The following TCF12 variants were observed in gnomAD, a reference collection of about 807,000 sequenced individuals.
TCF12 encodes the protein transcription factor 12, also known as DNA-binding protein HTF4.
A neutral mutation model predicts 86.0 loss-of-function variants in TCF12; 45 were observed. The ratio of observed to expected loss-of-function variants is 0.52; its 90% CI spans 0.41 to 0.67. The LOEUF (loss-of-function observed/expected upper bound fraction) is 0.67. TCF12 is among the 30% of genes least tolerant of loss of function. TCF12 has a pLI of 0.00. For synonymous variants in TCF12, 330 were observed against 299.6 expected (o/e 1.10, Z -1.05); for missense variants, 881 against 859.9 (o/e 1.02, Z -0.31).
chr15:56,931,134 T>A (rs1176266355), intron 3 of TCF12, among the ~76,000 whole-genome samples: 2 of 151,376 alleles, frequency 1.3e-5, no homozygotes, highest in African/African-American at 4.9e-5. Flanking sequence ...TTCTCAAAAG[T>A]CTCAACTAGA....
intron 5 of TCF12, among the ~76,000 whole-genome samples, chr15:57,103,974 T>C (rs928096998): frequency 4.8e-4 from 73 of 152,034 alleles, no homozygotes; most frequent in African/African-American, 1.7e-3. Flanking sequence ...CGCCACTGCA[T>C]TCCAGCCTGG....
At chr15:57,191,611 C>CT (rs1401750336) in intron 6 of TCF12, among the ~76,000 whole-genome samples, 21 of 152,258 alleles carry the variant, frequency 1.4e-4, no homozygotes, top group Non-Finnish European at 2.6e-4. Context: ...TCTTTCAACT[C>CT]TAAGATTTTA....
At chr15:57,282,201 TC>T (rs2061721559) in intron 19 of TCF12, 1 of 518,272 alleles carries the variant, frequency 1.9e-6, no homozygotes, top group African/African-American at 1.9e-5. Flanking sequence ...TTGATTTAAA[TC>T]AAATCAAACC....
Position 57,232,564 on chromosome 15 carries a change from CA to C in TCF12, c.825+135del, listed in dbSNP as rs1354720916. On this transcript the variant is annotated intron_variant, in intron 10 of 20. Transcript: ENST00000333725. ...GTACTTCAAGGCTTACCGCGTTTAC[CA>C]TGCCTTTCTAAAAAATAAATGACAA... The C allele has an allele frequency of 2.8e-6, 4 of 1,446,106 alleles. No individual in the cohort carries two copies. The Admixed American group carries it at 9.3e-5, about 34-fold the overall frequency. 89.6% of individuals were successfully genotyped at this position (1,446,106 alleles called of 1,614,324 possible).
chr15:57,178,860 C>A (rs1274692765), intron 6 of TCF12, among the ~76,000 whole-genome samples: 2 of 152,128 alleles, frequency 1.3e-5, no homozygotes, highest in Non-Finnish European at 2.9e-5. Context: ...AAAGGAAAGT[C>A]ATTCTTATTC....
intron 5 of TCF12, among the ~76,000 whole-genome samples, chr15:57,104,424 A>ATTTTTTTTTTCT (rs2049977492): frequency 2.6e-5 from 3 of 114,954 alleles, no homozygotes; most frequent in African/African-American, 2.9e-5. Flanking sequence ...ACAAGAATAA[A>ATTTTTTTTTTCT]TTTTTTTTTT....
At chr15:57,097,214 T>C (rs564469189) in intron 5 of TCF12, among the ~76,000 whole-genome samples, 1 of 152,164 alleles carries the variant, frequency 6.6e-6, no homozygotes, top group Non-Finnish European at 1.5e-5. Context: ...ATTTTCAGAC[T>C]ATCAAAGGGT....
At chr15:56,938,286 A>G (rs2060573062) in intron 3 of TCF12, among the ~76,000 whole-genome samples, 1 of 151,318 alleles carries the variant, frequency 6.6e-6, no homozygotes, top group Non-Finnish European at 1.5e-5. Context: ...TCAGCCTCCC[A>G]AGTAGCTGGG....
chr15:56,923,702 A>C (rs1032812758), intron 3 of TCF12, among the ~76,000 whole-genome samples: 1 of 152,154 alleles, frequency 6.6e-6, no homozygotes. Context: ...GTGTATGTCT[A>C]GATTGTGATT....
At chr15:56,998,521 G>A (rs1232598384) in intron 3 of TCF12, among the ~76,000 whole-genome samples, 1 of 149,348 alleles carries the variant, frequency 6.7e-6, no homozygotes, top group African/African-American at 2.5e-5. Context: ...ATTGACATTT[G>A]TAGTATGCTT....
At chr15:56,977,037 T>C (rs1273294996) in intron 3 of TCF12, among the ~76,000 whole-genome samples, 1 of 152,226 alleles carries the variant, frequency 6.6e-6, no homozygotes, top group Non-Finnish European at 1.5e-5. Context: ...CAGTGCTGAT[T>C]TAGAACATTT....
intron 7 of TCF12, among the ~76,000 whole-genome samples, 156 bp downstream of exon 7, chr15:57,192,449 C>T (rs1207571819): frequency 6.6e-6 from 1 of 151,928 alleles, no homozygotes; most frequent in African/African-American, 2.4e-5. Flanking sequence ...AATGCAACAG[C>T]ACAATCTTGG....
chr15:56,950,745 G>GCTTTTTTTTTTTT lies in TCF12; in HGVS notation c.148+29647_148+29648insCTTTTTTTTTTTT, dbSNP rs1555455322. ...TTACAAATAAAGCTATTATGACCAT[G>GCTTTTTTTTTTTT]TTTTTTTTTTTTTTTTTTTTTTTTT... On this transcript the variant is annotated intron_variant, in intron 3 of 20. Coordinates refer to ENST00000333725, the MANE Select transcript of TCF12 (RefSeq NM_207037.2). Among the ~76,000 whole-genome samples the GCTTTTTTTTTTTT allele has an allele frequency of 1.4e-4, 12 of 85,922 alleles. 6 individuals carry two copies. The highest frequency in any genetic ancestry group is 7.3e-4 in the South Asian group (2 of 2,742). 56.4% of individuals were successfully genotyped at this position (85,922 alleles called of 152,430 possible). A position where few individuals can be genotyped will look rare whatever the true frequency, so the allele number is the denominator to read the frequency against.
At chr15:57,099,354 G>A (rs1309968449) in intron 5 of TCF12, among the ~76,000 whole-genome samples, 1 of 152,100 alleles carries the variant, frequency 6.6e-6, no homozygotes, top group Admixed American at 6.5e-5. Context: ...TATGGACTCA[G>A]ATCCCTCTTA....
intron 5 of TCF12, among the ~76,000 whole-genome samples, chr15:57,151,337 C>T (rs2151459156): frequency 6.8e-6 from 1 of 147,290 alleles, no homozygotes. Flanking sequence ...GAAAAATACA[C>T]TGGATGATAT....
intron 8 of TCF12, among the ~76,000 whole-genome samples, chr15:57,208,557 A>G (rs933176877): frequency 6.8e-6 from 1 of 147,876 alleles, no homozygotes; most frequent in Admixed American, 6.8e-5. Flanking sequence ...TAATTTTTGT[A>G]TTTTTTTTGT....
At chr15:57,017,016 A>G (rs148832662) in intron 3 of TCF12, among the ~76,000 whole-genome samples, 78 of 152,250 alleles carry the variant, frequency 5.1e-4, no homozygotes, top group African/African-American at 1.9e-3. Flanking sequence ...AACTGATGCA[A>G]ATATGCTGAT....
intron 5 of TCF12, among the ~76,000 whole-genome samples, chr15:57,137,262 G>A (rs1019382796): frequency 4.6e-5 from 7 of 151,920 alleles, no homozygotes; most frequent in South Asian, 2.1e-4. Flanking sequence ...GATTACAGGC[G>A]TGAGCCACCA....
At chr15:57,206,045 T>C (rs1442344355) in intron 8 of TCF12, among the ~76,000 whole-genome samples, 1 of 152,212 alleles carries the variant, frequency 6.6e-6, no homozygotes, top group African/African-American at 2.4e-5. Flanking sequence ...GCTGGTAAGA[T>C]CTTAGAGACT....
Sources: allele counts gnomAD v4.1 joint callset (sites outside exome capture counted in the v4.1 genomes callset), GRCh38; gene constraint gnomAD v4.1.1; transcripts MANE v1.5; gene names NCBI Gene and HGNC (gene_info 2026-07-23, HGNC 2026-07-21).